The following TTC13 variants were observed in gnomAD, a reference collection of about 807,000 sequenced individuals.
TTC13 encodes tetratricopeptide repeat protein 13.
TTC13 carries 62 observed loss-of-function variants against 120.0 expected under a neutral mutation model. That is an observed-to-expected ratio of 0.52 (90% CI 0.42 to 0.64). The LOEUF (loss-of-function observed/expected upper bound fraction) is 0.64. Ranked by LOEUF, TTC13 falls within the 30% of genes least tolerant of loss-of-function variation. The pLI, the probability that TTC13 is intolerant of heterozygous loss-of-function variation, is 0.00. For synonymous variants in TTC13, 384 were observed against 393.5 expected, an observed-to-expected ratio of 0.98 and a Z score of 0.28; for missense variants, 824 against 1,050.2, an observed-to-expected ratio of 0.78 and a Z score of 2.98.
At chr1:230,924,770 T>C in intron 14 of TTC13, 71 bp downstream of exon 14, 1 of 1,578,616 alleles carries the variant, frequency 6.3e-7, no homozygotes, top group Non-Finnish European at 8.7e-7. Flanking sequence ...CATAGCCTGT[T>C]AGCTAAAACA....
chr1:230,926,534 C>T (rs1673067008), intron 12 of TTC13, among the ~76,000 whole-genome samples: 1 of 152,274 alleles, frequency 6.6e-6, no homozygotes, highest in South Asian at 2.1e-4. Flanking sequence ...AGTTTAGGCA[C>T]AGGGAACCTC....
chr1:230,937,348 G>T (rs534514102), intron 8 of TTC13, among the ~76,000 whole-genome samples: 2 of 152,190 alleles, frequency 1.3e-5, no homozygotes, highest in Non-Finnish European at 1.5e-5. Context: ...ATACAAATAG[G>T]TTGGTATTTT....
intron 8 of TTC13, among the ~76,000 whole-genome samples, chr1:230,934,686 T>C (rs1558189496): frequency 6.6e-6 from 1 of 152,222 alleles, no homozygotes; most frequent in Non-Finnish European, 1.5e-5. Flanking sequence ...AAATTACGAC[T>C]ATATAGCTTA....
intron 1 of TTC13, among the ~76,000 whole-genome samples, chr1:230,971,951 A>G (rs1677795350): frequency 6.6e-6 from 1 of 152,260 alleles, no homozygotes; most frequent in Non-Finnish European, 1.5e-5. Flanking sequence ...ATACTGGCAG[A>G]CAACATCAAC....
In TTC13 at chr1:230,921,431, C is replaced by G. The variant is rs775425838; in HGVS notation, c.1888G>C (p.Val630Leu). ...ILHFIKDRIL[V>L]YHGANNPKGL... ...AAATTAAAGGCTTACCCATGATAAA[C>G]AAGAATTCTGTCTTTAATAAAATGA... The change falls in exon 16 of 23, where the codon GTT becomes CTT. Residue 630 changes from valine (V) to leucine (L), a missense_variant. Transcript: ENST00000366661. 18 of 1,499,658 alleles carry G rather than the reference C, an allele frequency of 1.2e-5. No homozygotes were observed. Among genetic ancestry groups the G allele is most frequent in the Non-Finnish European group, 1.6e-5 (17 of 1,093,230 alleles). The allele number at this position is 1,499,658 out of a possible 1,614,324, so 92.9% of individuals were successfully genotyped here. A position where few individuals can be genotyped will look rare whatever the true frequency, so the allele number is the denominator to read the frequency against.
At chr1:230,967,618 T>A (rs565057170) in intron 1 of TTC13, among the ~76,000 whole-genome samples, 2 of 152,328 alleles carry the variant, frequency 1.3e-5, no homozygotes, top group South Asian at 4.1e-4. Context: ...TTACTTAAAA[T>A]TTTTATAACT....
In TTC13 at chr1:230,921,415, G is replaced by C. The variant is rs745967755; in HGVS notation, c.1898+6C>G. ...ATTACTAAGAAGGAGAAAATTAAAG[G>C]CTTACCCATGATAAACAAGAATTCT... On this transcript the variant is annotated splice_donor_region_variant and intron_variant, in intron 16 of 22. Transcript: ENST00000366661. 1.6e-5 allele frequency: 23 copies of C among 1,408,202 alleles called. No individual in the cohort carries two copies. Among genetic ancestry groups the C allele is most frequent in the South Asian group, 6.2e-5 (5 of 80,668 alleles). The allele number at this position is 1,408,202 out of a possible 1,614,324, so 87.2% of individuals were successfully genotyped here. A position where few individuals can be genotyped will look rare whatever the true frequency, so the allele number is the denominator to read the frequency against.
Position 230,951,349 on chromosome 1 carries a change from T to A in TTC13, c.513+2984A>T, listed in dbSNP as rs558054846. Among the ~76,000 whole-genome samples the A allele has an allele frequency of 3.3e-5, 5 of 152,112 alleles. No individual in the cohort carries two copies. The South Asian group carries it at 1.0e-3, about 32-fold the overall frequency. ...AGAATAATATTCCATGCTCTGCTGC[T>A]TCATACTGGAGCTCATGAGCTGTCT... is the stretch of plus-strand genomic sequence containing the variant. On this transcript the variant is annotated intron_variant, in intron 4 of 22. Transcript: ENST00000366661.
intron 22 of TTC13, among the ~76,000 whole-genome samples, chr1:230,907,785 G>A (rs1478170069): frequency 2.0e-5 from 3 of 152,206 alleles, no homozygotes; most frequent in Non-Finnish European, 4.4e-5. Context: ...AAAACTGGGG[G>A]TGGTTGGGAT....
chr1:230,946,106 G>A (rs1055730338), intron 4 of TTC13, among the ~76,000 whole-genome samples: 12 of 152,178 alleles, frequency 7.9e-5, no homozygotes, highest in South Asian at 2.1e-4. Context: ...TGTTGACCCC[G>A]GCCATTGAGT....
intron 8 of TTC13, among the ~76,000 whole-genome samples, chr1:230,938,124 C>T (rs779286538): frequency 2.0e-5 from 3 of 152,246 alleles, no homozygotes; most frequent in Non-Finnish European, 4.4e-5. Context: ...TCTGTTCTTT[C>T]TGCAGAATAC....
rs1673545289 is a variant in TTC13 at position 230,931,393 on chromosome 1, T to C, written c.1205A>G (p.Tyr402Cys). ...TTTTGTTTGTGCTTTTATCCCTTCA[T>C]AAAACTGTCCCATGGCAACATGGCT... ...GLSHVAMGQF[Y>C]EGIKAQTKVM... Residue 402 changes from tyrosine (Y) to cysteine (C), a missense_variant, in exon 11 of 23, where the codon TAT (tyrosine) becomes TGT (cysteine). By Grantham distance (194) the Tyr-to-Cys change is radical. This residue lies in a region of TTC13 where 430 missense variants were observed against 626.8 expected (regional missense o/e 0.69). Coordinates refer to ENST00000366661, the MANE Select transcript of TTC13 (RefSeq NM_024525.5). 1 of 1,614,220 alleles carries C rather than the reference T, an allele frequency of 6.2e-7. No homozygotes were observed. Among genetic ancestry groups the C allele is most frequent in the Non-Finnish European group, 8.5e-7 (1 of 1,180,036 alleles).
intron 13 of TTC13, 118 bp downstream of exon 13, chr1:230,925,399 C>A: frequency 8.6e-7 from 1 of 1,158,396 alleles, no homozygotes. Context: ...CTATTCTGAT[C>A]ACATGGAGAA....
chr1:230,912,559 G>A (rs1397459744), intron 19 of TTC13, 64 bp downstream of exon 19: 8 of 1,558,872 alleles, frequency 5.1e-6, no homozygotes, highest in Non-Finnish European at 7.0e-6. Context: ...AAAGGGCAGA[G>A]GTTCAAAAAA....
At position 230,978,559 on chromosome 1, in the gene TTC13, C is replaced by T; in HGVS notation, c.271+1G>A. 9.2e-7 allele frequency: 1 copy of T among 1,088,170 alleles called. No individual in the cohort carries two copies. The highest frequency in any genetic ancestry group is 1.2e-6 in the Non-Finnish European group (1 of 828,680). The allele number at this position is 1,088,170 out of a possible 1,614,324, so 67.4% of individuals were successfully genotyped here. A position where few individuals can be genotyped will look rare whatever the true frequency, so the allele number is the denominator to read the frequency against. ...TCGGACGCCCGCCGCCGCCCACTCA[C>T]CGCCGCACTCGGCAGAGTACTGGTC... On this transcript the variant is annotated splice_donor_variant, in intron 1 of 22. Coordinates refer to ENST00000366661, the MANE Select transcript of TTC13 (RefSeq NM_024525.5). LOFTEE classifies it high-confidence loss of function. This position sits in a 1 kb window ranked among gnomAD's most constrained non-coding sequence, Gnocchi z 5.6.
chr1:230,924,584 G>A (rs938225544), intron 14 of TTC13, among the ~76,000 whole-genome samples: 6 of 152,150 alleles, frequency 3.9e-5, no homozygotes, highest in Non-Finnish European at 8.8e-5. Context: ...CGCCCGCCTC[G>A]GCCTCCCAAA....
At chr1:230,952,034 A>G (rs902020877) in intron 4 of TTC13, among the ~76,000 whole-genome samples, 3 of 152,346 alleles carry the variant, frequency 2.0e-5, no homozygotes, top group African/African-American at 7.2e-5. Context: ...TTTTGTCCAG[A>G]AAAGTAGGAT....
chr1:230,940,811 GGTT>G lies in TTC13; in HGVS notation c.673-258_673-256del, dbSNP rs1674471823. 6.6e-6 allele frequency among the ~76,000 whole-genome samples: 1 copy of G among 152,030 alleles called. No homozygotes were observed. The highest frequency in any genetic ancestry group is 1.5e-5 in the Non-Finnish European group (1 of 67,994). ...TGCCTTGTCACTATTTCACATTCTG[GGTT>G]GTATCAGATGTTGCTTTTCCTGCAA... On this transcript the variant is annotated intron_variant, in intron 6 of 22. Transcript: ENST00000366661. This position sits in a 1 kb window ranked among gnomAD's most constrained non-coding sequence, Gnocchi z 4.1.
intron 12 of TTC13, 60 bp from the exon 13 acceptor site, chr1:230,925,707 T>C: frequency 1.9e-6 from 3 of 1,590,862 alleles, no homozygotes; most frequent in African/African-American, 1.3e-5. Flanking sequence ...GTAATCCAAT[T>C]CCACCTGAGA....
Sources: allele counts gnomAD v4.1 joint callset (sites outside exome capture counted in the v4.1 genomes callset), GRCh38; gene constraint gnomAD v4.1.1; regional missense constraint gnomAD v4.1.1; non-coding constraint Gnocchi (gnomAD v3.1); transcripts MANE v1.5; gene names NCBI Gene and HGNC (gene_info 2026-07-23, HGNC 2026-07-21).